The following GPN1 variants were observed in gnomAD, a reference collection of about 807,000 sequenced individuals.
The protein encoded by GPN1 is GPN-loop GTPase 1.
Under a neutral mutation model 55.9 loss-of-function variants are expected in GPN1, and 44 were observed. That is an observed-to-expected ratio of 0.79 (90% CI 0.62 to 1.01). The LOEUF is 1.01. Among genes scored for constraint, GPN1 ranks in the 50% least tolerant of loss-of-function variants. The probability of loss-of-function intolerance (pLI) is 0.00; values close to 1 mark genes in which losing one functional copy is unlikely to be tolerated. For synonymous variants in GPN1, 179 were observed against 162.5 expected (o/e 1.10, Z -0.77); for missense variants, 466 against 462.8 (o/e 1.01, Z -0.06).
intron 12 of GPN1, among the ~76,000 whole-genome samples, chr2:27,644,548 T>C (rs2148080937): frequency 6.6e-6 from 1 of 152,260 alleles, no homozygotes; most frequent in South Asian, 2.1e-4. Context: ...ACCTATTTTT[T>C]TTTATAGATT....
chr2:27,632,942 C>T (rs1383330761), intron 5 of GPN1, among the ~76,000 whole-genome samples: 2 of 152,204 alleles, frequency 1.3e-5, no homozygotes, highest in Non-Finnish European at 1.5e-5. Flanking sequence ...CACCTGCCTT[C>T]TCTTGGGAAA....
chr2:27,644,724 T>G (rs1392887990), intron 12 of GPN1, among the ~76,000 whole-genome samples: 5 of 114,778 alleles, frequency 4.4e-5, no homozygotes, highest in African/African-American at 1.5e-4. Flanking sequence ...TTTGGTAGTG[T>G]TTTTTTTTTT....
chr2:27,633,729 A>T (rs1673633556), intron 5 of GPN1, among the ~76,000 whole-genome samples: 1 of 151,450 alleles, frequency 6.6e-6, no homozygotes, highest in East Asian at 1.9e-4. Flanking sequence ...TGCCCGGCTT[A>T]ACCTCCCAAA....
chr2:27,631,118 T>C, intron 3 of GPN1, 52 bp downstream of exon 3: 1 of 939,984 alleles, frequency 1.1e-6, no homozygotes, highest in Non-Finnish European at 1.7e-6. Context: ...TTCTTGTCTG[T>C]GTATTTTGTG....
chr2:27,645,785 AGTGGT>A (rs1674198461), intron 12 of GPN1, among the ~76,000 whole-genome samples: 1 of 151,840 alleles, frequency 6.6e-6, no homozygotes, highest in Non-Finnish European at 1.5e-5. Flanking sequence ...ACTGGAGTGC[AGTGGT>A]GTGATCTTGG....
At position 27,631,073 on chromosome 2, in the gene GPN1, T is replaced by C. The variant is rs1673531639; in HGVS notation, c.245+7T>C. The stretch of plus-strand genomic sequence containing the variant: ...ATAAAGAAGTAATGAAACAGTATCC[T>C]TTTCCATCTACTTTGGTCTTGACTC... On this transcript the variant is annotated splice_region_variant and intron_variant, in intron 3 of 13. Coordinates refer to ENST00000610189, the MANE Select transcript of GPN1 (RefSeq NM_007266.4). The C allele has an allele frequency of 6.6e-6, 9 of 1,361,440 alleles. No individual in the cohort carries two copies. The highest frequency in any genetic ancestry group is 1.4e-5 in the African/African-American group (1 of 70,248). 84.3% of individuals were successfully genotyped at this position (1,361,440 alleles called of 1,614,324 possible).
Position 27,639,021 on chromosome 2 carries a change from G to C in GPN1, c.707G>C (p.Ser236Thr), listed in dbSNP as rs1442290127. The C allele has an allele frequency of 6.2e-7, 1 of 1,608,744 alleles. No individual in the cohort carries two copies. The highest frequency in any genetic ancestry group is 8.5e-7 in the Non-Finnish European group (1 of 1,176,996). Residue 236 changes from serine to threonine, a missense_variant, in exon 9 of 14, where the codon AGC becomes ACC. Ser to Thr is a moderately conservative substitution (Grantham distance 58). Transcript: ENST00000610189. ...SMSLVLDEFY[S>T]SLRVVGVSAV... is the part of the protein sequence containing the mutation. ...AGCCTGGTGTTAGATGAGTTTTACA[G>C]CTCACTCAGGGTAAATTTTCTCTCC...
At chr2:27,648,426 G>T (rs774026141) in intron 13 of GPN1, among the ~76,000 whole-genome samples, 2 of 152,116 alleles carry the variant, frequency 1.3e-5, no homozygotes, top group African/African-American at 2.4e-5. Context: ...GGCTGAGGTG[G>T]GTGGGTTGCT....
At chr2:27,646,288 C>G (rs1460072679) in intron 12 of GPN1, among the ~76,000 whole-genome samples, 1 of 152,148 alleles carries the variant, frequency 6.6e-6, no homozygotes, top group East Asian at 1.9e-4. Context: ...GTGATCTGCC[C>G]ATTTCAGCCT....
At chr2:27,629,279 C>CT (rs1673432491) in intron 1 of GPN1, 110 bp downstream of exon 1, 2 of 1,457,872 alleles carry the variant, frequency 1.4e-6, no homozygotes, top group Non-Finnish European at 1.9e-6. Context: ...CGGCGCATGG[C>CT]TTTCGGGGGC....
At chr2:27,648,228 A>G (rs566600479) in intron 13 of GPN1, among the ~76,000 whole-genome samples, 1 of 152,246 alleles carries the variant, frequency 6.6e-6, no homozygotes, top group South Asian at 2.1e-4. Context: ...TTGTTTTAAG[A>G]ATATGTAAGG....
intron 5 of GPN1, among the ~76,000 whole-genome samples, chr2:27,634,190 T>A (rs1673648893): frequency 6.6e-6 from 1 of 152,186 alleles, no homozygotes; most frequent in South Asian, 2.1e-4. Context: ...TATTGGCCAT[T>A]GGTATGTATA....
Position 27,647,865 on chromosome 2 carries a change from G to C in GPN1, c.961G>C (p.Asp321His). Residue 321 changes from aspartate to histidine, a missense_variant, in exon 13 of 14, where the codon GAT becomes CAT. Physicochemically the swap from Asp to His is moderately conservative, Grantham distance 81. Coordinates refer to ENST00000610189, the MANE Select transcript of GPN1 (RefSeq NM_007266.4). ...CTTATCTCCTGTGCTGCACCCTTCT[G>C]ATTTGATCCTGACTCGAGGAACCTT... ...DSLSPVLHPS[D>H]LILTRGTLDE... The C allele has an allele frequency of 6.2e-7, 1 of 1,613,180 alleles. No homozygotes were observed. The highest frequency in any genetic ancestry group is 8.5e-7 in the Non-Finnish European group (1 of 1,179,156).
At chr2:27,631,290 A>T (rs1302142955) in intron 3 of GPN1, 8 of 557,702 alleles carry the variant, frequency 1.4e-5, no homozygotes, top group African/African-American at 3.8e-5. Flanking sequence ...AAGAGCAGAG[A>T]GTATGATAGG....
intron 12 of GPN1, 125 bp from the exon 13 acceptor site, chr2:27,647,711 G>C (rs1674306156): frequency 1.6e-6 from 1 of 633,072 alleles, no homozygotes; most frequent in African/African-American, 1.8e-5. Context: ...ATTTAGAAGA[G>C]GTAAGATCCT....
intron 1 of GPN1, chr2:27,629,415 C>T (rs1234031345): frequency 1.3e-6 from 2 of 1,550,688 alleles, no homozygotes; most frequent in African/African-American, 1.4e-5. Flanking sequence ...CAGGAATTGT[C>T]TTGCTGATAA....
chr2:27,644,155 A>G (rs1472033655), intron 12 of GPN1, among the ~76,000 whole-genome samples: 3 of 152,218 alleles, frequency 2.0e-5, no homozygotes, highest in Admixed American at 2.0e-4. Context: ...AGCCTGGGTG[A>G]CAGAGTGAGA....
intron 13 of GPN1, among the ~76,000 whole-genome samples, chr2:27,648,407 T>C (rs1674348345): frequency 6.6e-6 from 1 of 152,012 alleles, no homozygotes; most frequent in Admixed American, 6.6e-5. Context: ...TAGTTCAAGC[T>C]GTTTGGGAGG....
intron 12 of GPN1, among the ~76,000 whole-genome samples, chr2:27,644,970 T>C (rs187168552): frequency 2.0e-5 from 3 of 152,176 alleles, no homozygotes; most frequent in African/African-American, 7.2e-5. Flanking sequence ...GGACTGTTTA[T>C]TTATTTATTT....
Sources: gnomAD v4.1 joint callset for allele counts (sites outside exome capture counted in the v4.1 genomes callset) on GRCh38, gnomAD v4.1.1 for gene constraint, MANE v1.5 for transcripts, NCBI Gene and HGNC (gene_info 2026-07-23, HGNC 2026-07-21) for gene names.